The following PPP2R5E variants were observed in gnomAD, a reference collection of about 807,000 sequenced individuals.
PPP2R5E encodes serine/threonine-protein phosphatase 2A 56 kDa regulatory subunit epsilon isoform.
PPP2R5E carries 4 observed loss-of-function variants against 65.3 expected under a neutral mutation model. The ratio of observed to expected loss-of-function variants is 0.06; its 90% confidence interval spans 0.03 to 0.14. PPP2R5E has a LOEUF of 0.14. Among genes scored for constraint, PPP2R5E ranks in the 10% least tolerant of loss-of-function variants. The pLI is 1.00. For missense variants in PPP2R5E, 274 were observed against 556.1 expected, an observed-to-expected ratio of 0.49 and a Z score of 5.10; for synonymous variants, 183 against 187.4, an observed-to-expected ratio of 0.98 and a Z score of 0.19.
chr14:63,533,673 G>A (rs11846749), intron 2 of PPP2R5E, among the ~76,000 whole-genome samples: 11,195 of 152,178 alleles, frequency 0.074, 1,135 homozygotes, highest in African/African-American at 0.23. Flanking sequence ...GCCGGGCGCG[G>A]TGGCTCATGC....
At chr14:63,420,761 G>A (rs1470276593) in intron 4 of PPP2R5E, among the ~76,000 whole-genome samples, 3 of 150,690 alleles carry the variant, frequency 2.0e-5, no homozygotes, top group Admixed American at 6.6e-5. Context: ...TCTTCAAAAA[G>A]TCAACCTGAG....
At chr14:63,512,078 TAAAAAAAAAAA>T (rs57623942) in intron 2 of PPP2R5E, among the ~76,000 whole-genome samples, 2 of 87,084 alleles carry the variant, frequency 2.3e-5, no homozygotes, top group East Asian at 3.3e-4. Flanking sequence ...GACTCTGCGG[TAAAAAAAAAAA>T]AAAAAAAAAA....
Position 63,393,934 on chromosome 14 carries a change from G to C in PPP2R5E, c.741-6C>G, listed in dbSNP as rs371598190. The C allele has an allele frequency of 9.3e-6, 14 of 1,503,130 alleles. No individual in the cohort carries two copies. Among genetic ancestry groups the C allele is most frequent in the Non-Finnish European group, 1.3e-5 (14 of 1,082,344 alleles). 93.1% of individuals were successfully genotyped at this position (1,503,130 alleles called of 1,614,324 possible). On this transcript the variant is annotated splice_region_variant and splice_polypyrimidine_tract_variant and intron_variant, in intron 7 of 13. Transcript: ENST00000337537. ...AAGCAAAGCCATTGATAATACTAGGGAGAAAAAAGAGACACAAATTAGCAA... is the reference window on the plus strand; with the variant it reads ...AAGCAAAGCCATTGATAATACTAGGCAGAAAAAAGAGACACAAATTAGCAA...
At chr14:63,481,654 A>C (rs561826521) in intron 2 of PPP2R5E, among the ~76,000 whole-genome samples, 1 of 152,330 alleles carries the variant, frequency 6.6e-6, no homozygotes, top group South Asian at 2.1e-4. Flanking sequence ...AATAGTTTTA[A>C]CAATCATTTA....
At chr14:63,383,270 C>T (rs1884473592) in intron 12 of PPP2R5E, among the ~76,000 whole-genome samples, 1 of 152,228 alleles carries the variant, frequency 6.6e-6, no homozygotes, top group Non-Finnish European at 1.5e-5. Flanking sequence ...CCTAATACCA[C>T]TGAAAAATGC....
intron 2 of PPP2R5E, among the ~76,000 whole-genome samples, chr14:63,505,078 T>C (rs1201808048): frequency 6.6e-6 from 1 of 152,210 alleles, no homozygotes; most frequent in African/African-American, 2.4e-5. Flanking sequence ...CTCATGTCTG[T>C]AATCCCAGTA....
In PPP2R5E at chr14:63,372,052, G is replaced by A. The variant is rs1392790889; in HGVS notation, c.*3957C>T. On this transcript the variant is annotated 3_prime_UTR_variant, in exon 14 of 14. Coordinates refer to ENST00000337537, the MANE Select transcript of PPP2R5E (RefSeq NM_006246.5). ...TTCAAAAAAAGTAAAGAAAGAGGAA[G>A]GGAAGAGGGAAGGAGGAAAAGAGAA... is the stretch of plus-strand genomic sequence containing the variant. The A allele has an allele frequency of 6.6e-6, 1 of 151,102 alleles. No individual in the cohort carries two copies. Among genetic ancestry groups the A allele is most frequent in the East Asian group, 1.9e-4 (1 of 5,150 alleles). The allele number at this position is 151,102 out of a possible 1,614,324, so 9.4% of individuals were successfully genotyped here.
intron 5 of PPP2R5E, among the ~76,000 whole-genome samples, chr14:63,401,954 G>A (rs1233599232): frequency 1.3e-5 from 2 of 151,792 alleles, no homozygotes; most frequent in Non-Finnish European, 2.9e-5. Context: ...AAAACAGGAG[G>A]ACTGGTTGAA....
At chr14:63,468,650 T>TA (rs1395276015) in intron 2 of PPP2R5E, among the ~76,000 whole-genome samples, 1 of 152,060 alleles carries the variant, frequency 6.6e-6, no homozygotes, top group Non-Finnish European at 1.5e-5. Flanking sequence ...CATCAAGGCT[T>TA]CTTCTGATAT....
At chr14:63,474,642 C>A (rs1169486651) in intron 2 of PPP2R5E, among the ~76,000 whole-genome samples, 1 of 130,938 alleles carries the variant, frequency 7.6e-6, no homozygotes, top group African/African-American at 3.1e-5. Flanking sequence ...CCACTGTACT[C>A]CAGCCTGGGC....
chr14:63,521,495 C>T (rs527280530), intron 2 of PPP2R5E, among the ~76,000 whole-genome samples: 48 of 152,258 alleles, frequency 3.2e-4, no homozygotes, highest in Admixed American at 2.8e-3. Context: ...GGAGAAATCC[C>T]GTCTCTACTA....
intron 2 of PPP2R5E, among the ~76,000 whole-genome samples, chr14:63,520,711 T>C (rs1026948322): frequency 3.9e-5 from 6 of 151,986 alleles, no homozygotes; most frequent in African/African-American, 1.2e-4. Context: ...TTGCTTCATA[T>C]ACATTTAGAA....
chr14:63,530,378 G>A lies in PPP2R5E; in HGVS notation c.157+9151C>T, dbSNP rs554130893. Among the ~76,000 whole-genome samples, 93 of 151,654 alleles carry A rather than the reference G, an allele frequency of 6.1e-4. 1 individual carries two copies. Among genetic ancestry groups the A allele is most frequent in the Admixed American group, 1.1e-3 (17 of 15,190 alleles). The stretch of plus-strand genomic sequence containing the variant: ...CTCCCGAGTAGCTGGGACTACAGGC[G>A]CGTGCCACCATGCCTGGCTAATTTT... On this transcript the variant is annotated intron_variant, in intron 2 of 13. Transcript: ENST00000337537.
At chr14:63,462,558 AC>A (rs1193432842) in intron 2 of PPP2R5E, among the ~76,000 whole-genome samples, 2 of 152,210 alleles carry the variant, frequency 1.3e-5, no homozygotes, top group African/African-American at 2.4e-5. Flanking sequence ...CCTGCCTTGC[AC>A]GTTTTAATAA....
At chr14:63,441,410 T>C (rs980977456) in intron 3 of PPP2R5E, among the ~76,000 whole-genome samples, 4 of 152,234 alleles carry the variant, frequency 2.6e-5, no homozygotes, top group Non-Finnish European at 5.9e-5. Context: ...GTTTCACTGG[T>C]GAAATCATTC....
chr14:63,453,890 G>GAA lies in PPP2R5E; in HGVS notation c.158-7_158-6dup. Reference sequence around the variant, plus strand: ...GCTGCTCTGAGGATGGAACGTCTAAGAAAAAAAAAGGAAATGGTGTAAGTC... The same window carrying GAA: ...GCTGCTCTGAGGATGGAACGTCTAAGAAAAAAAAAAAGGAAATGGTGTAAGTC... On this transcript the variant is annotated splice_region_variant and splice_polypyrimidine_tract_variant and intron_variant, in intron 2 of 13. Coordinates refer to ENST00000337537, the MANE Select transcript of PPP2R5E (RefSeq NM_006246.5). 7.1e-7 allele frequency: 1 copy of GAA among 1,405,856 alleles called. No homozygotes were observed. The highest frequency in any genetic ancestry group is 9.3e-7 in the Non-Finnish European group (1 of 1,071,682). The allele number at this position is 1,405,856 out of a possible 1,614,324, so 87.1% of individuals were successfully genotyped here.
At chr14:63,479,180 T>A (rs1594921416) in intron 2 of PPP2R5E, 1 of 152,196 alleles carries the variant, frequency 6.6e-6, no homozygotes, top group East Asian at 1.9e-4. Flanking sequence ...CTCCAGTCTG[T>A]TATTCCCAGA....
chr14:63,455,693 TGAC>T (rs1004893492), intron 2 of PPP2R5E, among the ~76,000 whole-genome samples: 11 of 152,356 alleles, frequency 7.2e-5, no homozygotes, highest in Admixed American at 2.6e-4. Context: ...CTTATGAGCA[TGAC>T]TATATCCTTA....
At chr14:63,459,261 T>C (rs1889324351) in intron 2 of PPP2R5E, among the ~76,000 whole-genome samples, 1 of 152,222 alleles carries the variant, frequency 6.6e-6, no homozygotes, top group Non-Finnish European at 1.5e-5. Context: ...TACCTGCCCA[T>C]GTAGTCTGTC....
Sources: gnomAD v4.1 joint callset for allele counts (sites outside exome capture counted in the v4.1 genomes callset) on GRCh38, gnomAD v4.1.1 for gene constraint, MANE v1.5 for transcripts, NCBI Gene and HGNC (gene_info 2026-07-23, HGNC 2026-07-21) for gene names.